The following ECPAS variants were observed in gnomAD, a reference collection of about 807,000 sequenced individuals.
The protein encoded by ECPAS is proteasome adapter and scaffold protein ECM29.
ECPAS carries 70 observed loss-of-function variants against 255.1 expected under a neutral mutation model. The observed-to-expected ratio is 0.27, with a 90% CI of 0.23 to 0.33. The LOEUF is 0.33. Ranked by LOEUF, ECPAS falls within the 10% of genes least tolerant of loss-of-function variation. The pLI is 1.00. For missense variants in ECPAS, 1,817 were observed against 2,206.4 expected (o/e 0.82, Z 3.54); for synonymous variants, 784 against 775.0 (o/e 1.01, Z -0.19).
intron 10 of ECPAS, among the ~76,000 whole-genome samples, chr9:111,426,973 C>CA (rs1162741919): frequency 1.3e-5 from 2 of 151,504 alleles, no homozygotes; most frequent in African/African-American, 4.8e-5. Context: ...ACTCCGTCTC[C>CA]AAAAAAACCA....
At chr9:111,471,843 C>T (rs2098288602) in intron 2 of ECPAS, among the ~76,000 whole-genome samples, 1 of 152,270 alleles carries the variant, frequency 6.6e-6, no homozygotes, top group South Asian at 2.1e-4. Context: ...TGGCTCACAC[C>T]TAAAATCATG....
chr9:111,378,406 C>T (rs887560520), intron 36 of ECPAS, among the ~76,000 whole-genome samples, 174 bp downstream of exon 36: 2 of 152,262 alleles, frequency 1.3e-5, no homozygotes, highest in Non-Finnish European at 2.9e-5. Context: ...ATCCAATTCA[C>T]AAGACAGTGT....
At chr9:111,458,889 T>C (rs1376916176) in intron 2 of ECPAS, among the ~76,000 whole-genome samples, 1 of 152,198 alleles carries the variant, frequency 6.6e-6, no homozygotes, top group Non-Finnish European at 1.5e-5. Flanking sequence ...TGGTTTTAAC[T>C]TGCATCCTTT....
chr9:111,441,494 G>A (rs2098245968), intron 5 of ECPAS, among the ~76,000 whole-genome samples: 1 of 151,652 alleles, frequency 6.6e-6, no homozygotes, highest in Non-Finnish European at 1.5e-5. Context: ...AACAGAGTGA[G>A]ACTCTGTCTC....
intron 12 of ECPAS, 93 bp from the exon 13 acceptor site, chr9:111,423,341 T>C (rs2098217017): frequency 1.2e-6 from 1 of 831,042 alleles, no homozygotes; most frequent in Admixed American, 2.2e-5. Context: ...TCGCTGCAAT[T>C]ACATGCATTA....
At chr9:111,405,455 A>C (rs1032048025) in intron 24 of ECPAS, among the ~76,000 whole-genome samples, 2 of 149,862 alleles carry the variant, frequency 1.3e-5, no homozygotes, top group African/African-American at 5.1e-5. Context: ...CTATAAAAAA[A>C]CACTGGAGAA....
rs146909295 is a variant in ECPAS, at chr9:111,427,965, T to C, written c.1050+77A>G. On this transcript the variant is annotated intron_variant, in intron 10 of 49. Coordinates refer to ENST00000684092, the MANE Select transcript of ECPAS (RefSeq NM_001364929.1). Reference sequence around the variant, plus strand: ...CATCAACCTACCCACTGAATATCCATTAACACAGTTCTTTCTCTAATTAAA... The same window carrying C: ...CATCAACCTACCCACTGAATATCCACTAACACAGTTCTTTCTCTAATTAAA... 7.2e-4 allele frequency: 984 copies of C among 1,369,354 alleles called. 7 individuals carry two copies. The African/African-American group carries it at 0.013, about 18-fold the overall frequency. The allele number at this position is 1,369,354 out of a possible 1,614,324, so 84.8% of individuals were successfully genotyped here. A position where few individuals can be genotyped will look rare whatever the true frequency, so the allele number is the denominator to read the frequency against.
rs375930640 is a variant in ECPAS at position 111,425,743 on chromosome 9, G to A, written c.1136C>T (p.Thr379Ile). The A allele has an allele frequency of 3.3e-5, 50 of 1,528,850 alleles. No individual in the cohort carries two copies. The highest frequency in any genetic ancestry group is 2.3e-4 in the African/African-American group (17 of 73,284). The allele number at this position is 1,528,850 out of a possible 1,614,324, so 94.7% of individuals were successfully genotyped here. ...SLQFVHHICI[T>I]CPEIKIKPLG... ...ATAGTTAAAATAGTTAAAGACTTAC[G>A]TTATACAAATATGATGCACAAATTG... is the stretch of plus-strand genomic sequence containing the variant. The change falls in exon 11 of 50, where the codon ACC becomes ATC. Residue 379 changes from threonine (T) to isoleucine (I), a missense_variant and splice_region_variant. Around this residue, in one of 4 missense-constraint regions of ECPAS, gnomAD observed 573 missense variants for 716.2 expected, o/e 0.80. Coordinates refer to ENST00000684092, the MANE Select transcript of ECPAS (RefSeq NM_001364929.1).
rs2098198797 is a variant in ECPAS, at chr9:111,413,828, A to G, written c.2079+67T>C. 3.9e-6 allele frequency: 4 copies of G among 1,036,028 alleles called. No homozygotes were observed. In the African/African-American group the frequency reaches 6.5e-5, roughly 17 times the overall value. The allele number at this position is 1,036,028 out of a possible 1,614,324, so 64.2% of individuals were successfully genotyped here. ...GGTCATAGGGATCCCGCTGGCAGGA[A>G]AAAGAAATCATGAAGTTAAGGTCTG... On this transcript the variant is annotated intron_variant, in intron 20 of 49. Coordinates refer to ENST00000684092, the MANE Select transcript of ECPAS (RefSeq NM_001364929.1).
intron 1 of ECPAS, among the ~76,000 whole-genome samples, chr9:111,482,560 C>T (rs555551080): frequency 6.6e-6 from 1 of 152,252 alleles, no homozygotes; most frequent in African/African-American, 2.4e-5. Flanking sequence ...GCTTGCAACA[C>T]CTCACCCATG....
intron 16 of ECPAS, among the ~76,000 whole-genome samples, chr9:111,418,704 G>C (rs2098208375): frequency 6.6e-6 from 1 of 152,120 alleles, no homozygotes; most frequent in South Asian, 2.1e-4. Flanking sequence ...TTTGTTTTTG[G>C]TTTCTTAAAC....
chr9:111,389,483 T>C, intron 31 of ECPAS, 73 bp downstream of exon 31: 5 of 1,301,676 alleles, frequency 3.8e-6, no homozygotes, highest in Non-Finnish European at 5.1e-6. Flanking sequence ...AGATGGACAC[T>C]GGGTTTAAAT....
rs562898520 is a variant in ECPAS, at chr9:111,398,160, C to T, written c.2653-1007G>A. 5.3e-5 allele frequency among the ~76,000 whole-genome samples: 8 copies of T among 152,316 alleles called. No individual in the cohort carries two copies. The East Asian group carries it at 1.3e-3, about 26-fold the overall frequency. On this transcript the variant is annotated intron_variant, in intron 24 of 49. Coordinates refer to ENST00000684092, the MANE Select transcript of ECPAS (RefSeq NM_001364929.1). ...AGACTTTCCTACGCCAATCAACAAA[C>T]GCTCTAGTTGTGATGAGGCATCACG...
At chr9:111,393,490 G>C (rs771503464) in intron 27 of ECPAS, among the ~76,000 whole-genome samples, 190 bp downstream of exon 27, 1 of 152,148 alleles carries the variant, frequency 6.6e-6, no homozygotes, top group African/African-American at 2.4e-5. Context: ...TAAGTTTCCT[G>C]TATCCTAACT....
intron 2 of ECPAS, among the ~76,000 whole-genome samples, chr9:111,466,616 T>TACACAC (rs55763374): frequency 0.062 from 8,910 of 143,418 alleles, 444 homozygotes; most frequent in African/African-American, 0.13. Flanking sequence ...AATAACTAAA[T>TACACAC]ACACACACAC....
intron 2 of ECPAS, among the ~76,000 whole-genome samples, chr9:111,471,058 C>T (rs559344023): frequency 1.6e-4 from 25 of 152,250 alleles, no homozygotes; most frequent in African/African-American, 5.5e-4. Flanking sequence ...GTCTAATGTA[C>T]GATCGTTAAG....
intron 25 of ECPAS, among the ~76,000 whole-genome samples, chr9:111,395,295 C>T (rs1256097137): frequency 2.0e-5 from 3 of 152,064 alleles, no homozygotes; most frequent in East Asian, 1.9e-4. Context: ...GATGTTAAGA[C>T]GGCTAAGACC....
At position 111,483,526 on chromosome 9, in the gene ECPAS, G is replaced by GGCGGCGGCC. The variant is rs1373428951; in HGVS notation, c.-83+581_-83+589dup. The GGCGGCGGCC allele has an allele frequency of 3.0e-5, 29 of 978,994 alleles. No homozygotes were observed. In the Admixed American group the frequency reaches 4.4e-4, roughly 15 times the overall value. The allele number at this position is 978,994 out of a possible 1,614,324, so 60.6% of individuals were successfully genotyped here. A position where few individuals can be genotyped will look rare whatever the true frequency, so the allele number is the denominator to read the frequency against. On this transcript the variant is annotated intron_variant, in intron 1 of 49. Coordinates refer to ENST00000684092, the MANE Select transcript of ECPAS (RefSeq NM_001364929.1). ...TACTCAGCTCATCCTGGGAGGCGGAGGCGGCGGCCGCAGCCATGTTGCGCC... is the reference window on the plus strand; with the variant it reads ...TACTCAGCTCATCCTGGGAGGCGGAGGCGGCGGCCGCGGCGGCCGCAGCCATGTTGCGCC...
At chr9:111,439,986 G>A (rs185193971) in intron 6 of ECPAS, among the ~76,000 whole-genome samples, 3 of 152,132 alleles carry the variant, frequency 2.0e-5, no homozygotes, top group Non-Finnish European at 2.9e-5. Context: ...GTATGGCTAG[G>A]TGGCAAAGAG....
Sources: allele counts gnomAD v4.1 joint callset (sites outside exome capture counted in the v4.1 genomes callset), GRCh38; gene constraint gnomAD v4.1.1; regional missense constraint gnomAD v4.1.1; transcripts MANE v1.5; gene names NCBI Gene and HGNC (gene_info 2026-07-23, HGNC 2026-07-21).